The following NOL4L variants were observed in gnomAD, a reference collection of about 807,000 sequenced individuals.
NOL4L encodes nucleolar protein 4-like.
A neutral mutation model predicts 64.5 loss-of-function variants in NOL4L; 7 were observed. That is an observed-to-expected ratio of 0.11 (90% CI 0.06 to 0.20). The LOEUF (loss-of-function observed/expected upper bound fraction) is 0.20, where lower values mean the gene tolerates loss of function less well. Ranked by LOEUF, NOL4L falls within the 10% of genes least tolerant of loss-of-function variation. The probability of loss-of-function intolerance (pLI) is 1.00; values close to 1 mark genes in which losing one functional copy is unlikely to be tolerated. For synonymous variants in NOL4L, 413 were observed against 401.0 expected (o/e 1.03, Z -0.36); for missense variants, 680 against 967.1 (o/e 0.70, Z 3.94).
chr20:32,485,636 C>G lies in NOL4L; in HGVS notation c.700-10894G>C, dbSNP rs1341886845. ...TCTTCTCATCCTTGGTGATGTGGGG[C>G]AGGTGGGAGGCTTTATTTATCCACA... On this transcript the variant is annotated intron_variant, in intron 4 of 10. Transcript: ENST00000621426. The G allele has an allele frequency of 9.9e-6, 4 of 403,432 alleles. No individual in the cohort carries two copies. In the East Asian group the frequency reaches 3.0e-4, roughly 30 times the overall value. 25.0% of individuals were successfully genotyped at this position (403,432 alleles called of 1,614,324 possible).
chr20:32,455,347 T>A lies in NOL4L; in HGVS notation c.1119+771A>T, dbSNP rs1055082959. ...CCTGTGCTAGACACATAGCAACAAC[T>A]CAGCACTGAGCCCATGGTACAGAAT... On this transcript the variant is annotated intron_variant, in intron 6 of 10. Transcript: ENST00000621426. Among the ~76,000 whole-genome samples the A allele has an allele frequency of 1.3e-5, 2 of 152,194 alleles. 1 individual carries two copies. The highest frequency in any genetic ancestry group is 4.1e-4 in the South Asian group (2 of 4,832).
rs773463137 is a variant in NOL4L, at chr20:32,456,209, G to A, written c.1028C>T (p.Thr343Met). Residue 343 changes from threonine (T) to methionine (M), a missense_variant, in exon 6 of 11, where the codon ACG becomes ATG. This residue lies in a region of NOL4L where 254 missense variants were observed against 238.7 expected (regional missense o/e 1.06). Coordinates refer to ENST00000621426, the MANE Select transcript of NOL4L (RefSeq NM_001256798.2). ...INLCDKLPPATALGTASYPSD... is the reference protein window; with the variant it reads ...INLCDKLPPAMALGTASYPSD... ...GGGGTAGGAGGCTGTGCCAAGTGCCGTGGCCGGCGGGAGCTTGTCACACAG... is the reference window on the plus strand; with the variant it reads ...GGGGTAGGAGGCTGTGCCAAGTGCCATGGCCGGCGGGAGCTTGTCACACAG... 4.5e-5 allele frequency: 72 copies of A among 1,608,666 alleles called. 1 individual carries two copies. The highest frequency in any genetic ancestry group is 2.9e-4 in the South Asian group (26 of 90,138).
intron 1 of NOL4L, among the ~76,000 whole-genome samples, chr20:32,544,296 G>A (rs895918891): frequency 6.6e-6 from 1 of 151,772 alleles, no homozygotes; most frequent in Admixed American, 6.6e-5. Flanking sequence ...ATGATGGGAA[G>A]GCAGGGGGCG....
intron 1 of NOL4L, among the ~76,000 whole-genome samples, chr20:32,558,582 G>T (rs1204499625): frequency 6.6e-6 from 1 of 152,104 alleles, no homozygotes; most frequent in African/African-American, 2.4e-5. Context: ...CTGGGTACAC[G>T]GCCGCCCCAC....
intron 1 of NOL4L, among the ~76,000 whole-genome samples, chr20:32,541,085 A>G (rs2018648114): frequency 6.6e-6 from 1 of 151,066 alleles, no homozygotes; most frequent in South Asian, 2.1e-4. Context: ...TCACTTGCAT[A>G]TAGCATGCCC....
chr20:32,528,523 G>T (rs2145582344), intron 1 of NOL4L, among the ~76,000 whole-genome samples: 1 of 152,392 alleles, frequency 6.6e-6, no homozygotes, highest in South Asian at 2.1e-4. Context: ...GGAGGTGGCA[G>T]GGCCGTGTGA....
rs1430936170 is a variant in NOL4L, at chr20:32,456,127, G to A, written c.1110C>T (p.Thr370=). The part of the protein sequence containing the change: ...LRSRVKYGVK[T]TPESPPYSSG... ...CCCCAGCCCCACACACCTCGGGGGT[G>A]GTCTTCACCCCGTATTTGACGCGGC... The change falls in exon 6 of 11, where the codon ACC becomes ACT. Residue 370 remains threonine (T), a synonymous_variant. Coordinates refer to ENST00000621426, the MANE Select transcript of NOL4L (RefSeq NM_001256798.2). 2 of 1,534,132 alleles carry A rather than the reference G, an allele frequency of 1.3e-6. No homozygotes were observed. The highest frequency in any genetic ancestry group is 1.8e-6 in the Non-Finnish European group (2 of 1,137,448).
intron 2 of NOL4L, among the ~76,000 whole-genome samples, chr20:32,522,734 C>T (rs1003772220): frequency 3.3e-5 from 5 of 152,192 alleles, no homozygotes; most frequent in African/African-American, 7.2e-5. Context: ...GAGGGAAGGG[C>T]GTGTGCTAGG....
rs147069325 is a variant in NOL4L, at chr20:32,527,958, G to A, written c.322-45C>T. The stretch of plus-strand genomic sequence containing the variant: ...CTGTGTTAGTGTCAGGAATGATGGC[G>A]GGGTGAGAACTGGGCCCTGAGGCCG... On this transcript the variant is annotated intron_variant, in intron 1 of 10. Transcript: ENST00000621426. 4.2e-4 allele frequency: 639 copies of A among 1,535,228 alleles called. 3 individuals carry two copies. The African/African-American group carries it at 7.8e-3, about 19-fold the overall frequency.
chr20:32,460,630 C>T lies in NOL4L; in HGVS notation c.842-4235G>A, dbSNP rs763713156. ...GATGGGGCAGGAGCTCAAAAGGAAA[C>T]CCCAATTCCCTGCACCCCACATTTT... On this transcript the variant is annotated intron_variant, in intron 5 of 10. Transcript: ENST00000621426. The surrounding 1 kb of genome is among the most constrained non-coding windows in gnomAD (Gnocchi z 5.7). Among the ~76,000 whole-genome samples the T allele has an allele frequency of 3.3e-5, 5 of 152,198 alleles. No individual in the cohort carries two copies. The highest frequency in any genetic ancestry group is 6.5e-5 in the Admixed American group (1 of 15,280).
intron 1 of NOL4L, among the ~76,000 whole-genome samples, chr20:32,567,514 A>G (rs1452549501): frequency 1.3e-5 from 2 of 152,156 alleles, no homozygotes; most frequent in African/African-American, 4.8e-5. Flanking sequence ...CCAGACCTCA[A>G]ACTCTGCTCT....
intron 1 of NOL4L, among the ~76,000 whole-genome samples, chr20:32,565,528 C>G (rs947595879): frequency 6.6e-6 from 1 of 152,206 alleles, no homozygotes; most frequent in Admixed American, 6.5e-5. Context: ...ACCCCCTGGG[C>G]TCTCTGAACC....
At chr20:32,519,873 A>C (rs958038099) in intron 3 of NOL4L, 2 of 152,248 alleles carry the variant, frequency 1.3e-5, no homozygotes, top group Non-Finnish European at 2.9e-5. Flanking sequence ...CAGTGGCATG[A>C]TCATGGCTCA....
At chr20:32,542,927 G>C (rs896203621) in intron 1 of NOL4L, among the ~76,000 whole-genome samples, 1 of 152,138 alleles carries the variant, frequency 6.6e-6, no homozygotes, top group African/African-American at 2.4e-5. Context: ...TAGGAGAACC[G>C]ACCTCACGGG....
intron 1 of NOL4L, among the ~76,000 whole-genome samples, chr20:32,547,360 GACTC>G (rs2018746768): frequency 6.6e-6 from 1 of 152,136 alleles, no homozygotes; most frequent in South Asian, 2.1e-4. Flanking sequence ...GCTCAATCAT[GACTC>G]ACTGCAGCCT....
At chr20:32,556,794 C>T (rs1978680903) in intron 1 of NOL4L, among the ~76,000 whole-genome samples, 1 of 152,180 alleles carries the variant, frequency 6.6e-6, no homozygotes, top group East Asian at 1.9e-4. Flanking sequence ...ACTGAGAGCA[C>T]GTGACCTGCC....
At chr20:32,529,715 ACCTCACTGGC>A (rs1211243242) in intron 1 of NOL4L, among the ~76,000 whole-genome samples, 7 of 152,110 alleles carry the variant, frequency 4.6e-5, no homozygotes, top group African/African-American at 1.4e-4. Flanking sequence ...CTGGGAGGTG[ACCTCACTGGC>A]CCCAACAAGG....
intron 4 of NOL4L, among the ~76,000 whole-genome samples, chr20:32,495,641 G>C (rs17271937): frequency 0.016 from 2,457 of 152,266 alleles, 71 homozygotes; most frequent in African/African-American, 0.056. Context: ...CAAACCTGCT[G>C]ATCTAGTAAC....
intron 4 of NOL4L, among the ~76,000 whole-genome samples, chr20:32,487,623 G>A (rs767483478): frequency 1.3e-4 from 20 of 152,156 alleles, no homozygotes; most frequent in Non-Finnish European, 2.1e-4. Context: ...GATGAGCATC[G>A]GGGGGGCAAA....
Sources: gnomAD v4.1 joint callset for allele counts (sites outside exome capture counted in the v4.1 genomes callset) on GRCh38, gnomAD v4.1.1 for gene constraint, gnomAD v4.1.1 regional missense constraint, Gnocchi (gnomAD v3.1) non-coding constraint, MANE v1.5 for transcripts, NCBI Gene and HGNC (gene_info 2026-07-23, HGNC 2026-07-21) for gene names.